The following TMPRSS12 variants were observed in gnomAD, a reference collection of about 807,000 sequenced individuals.
The protein encoded by TMPRSS12 is transmembrane protease serine 12.
A neutral mutation model predicts 26.0 loss-of-function variants in TMPRSS12; 25 were observed. That is an observed-to-expected ratio of 0.96 (90% CI 0.70 to 1.34). The LOEUF is 1.34. TMPRSS12 is among the 40% of genes most tolerant of loss of function. The pLI is 0.00. For missense variants in TMPRSS12, 441 were observed against 440.1 expected, an observed-to-expected ratio of 1.00 and a Z score of -0.02; for synonymous variants, 150 against 161.7, an observed-to-expected ratio of 0.93 and a Z score of 0.55.
chr12:50,858,733 T>TGTACTTA, intron 2 of TMPRSS12, 52 bp from the exon 3 acceptor site: 2 of 1,335,412 alleles, frequency 1.5e-6, no homozygotes, highest in Non-Finnish European at 2.0e-6. Flanking sequence ...ATTAAGAATA[T>TGTACTTA]GTACTTAGTT....
At chr12:50,873,692 A>G (rs1006582513) in intron 3 of TMPRSS12, among the ~76,000 whole-genome samples, 1 of 152,182 alleles carries the variant, frequency 6.6e-6, no homozygotes, top group South Asian at 2.1e-4. Context: ...AAATTTTTGG[A>G]TGTTAAAACT....
intron 3 of TMPRSS12, among the ~76,000 whole-genome samples, chr12:50,880,903 G>T (rs1281928793): frequency 6.8e-6 from 1 of 145,992 alleles, no homozygotes; most frequent in Non-Finnish European, 1.5e-5. Context: ...CTACAAATGT[G>T]TGATTCCATT....
chr12:50,872,329 A>G (rs1938052061), intron 3 of TMPRSS12, among the ~76,000 whole-genome samples: 1 of 150,324 alleles, frequency 6.7e-6, no homozygotes, highest in Admixed American at 6.6e-5. Context: ...CTGGCTAACA[A>G]GGTGAAACCC....
intron 3 of TMPRSS12, among the ~76,000 whole-genome samples, chr12:50,876,876 TA>T (rs545100335): frequency 1.0e-4 from 15 of 144,814 alleles, no homozygotes; most frequent in African/African-American, 3.6e-4. Context: ...TATACAGCCA[TA>T]AAAAAACAGA....
At chr12:50,850,893 G>A (rs888309338) in intron 2 of TMPRSS12, among the ~76,000 whole-genome samples, 2 of 152,172 alleles carry the variant, frequency 1.3e-5, no homozygotes, top group African/African-American at 4.8e-5. Context: ...AAAGCCATGA[G>A]CCTGTCCCAG....
At chr12:50,868,859 C>T (rs1938016284) in intron 3 of TMPRSS12, among the ~76,000 whole-genome samples, 1 of 151,986 alleles carries the variant, frequency 6.6e-6, no homozygotes, top group African/African-American at 2.4e-5. Context: ...CAAAACCATG[C>T]AAATATATGG....
intron 3 of TMPRSS12, among the ~76,000 whole-genome samples, chr12:50,877,354 G>A (rs990898955): frequency 4.6e-5 from 7 of 152,152 alleles, no homozygotes; most frequent in African/African-American, 1.4e-4. Flanking sequence ...AACAAAGCAA[G>A]GATTTTAGCC....
intron 3 of TMPRSS12, among the ~76,000 whole-genome samples, chr12:50,867,388 C>T (rs893267819): frequency 6.6e-6 from 1 of 152,092 alleles, no homozygotes; most frequent in Non-Finnish European, 1.5e-5. Context: ...AAATTCAGAG[C>T]TCAAAGTCTT....
At chr12:50,869,572 A>C (rs1938022949) in intron 3 of TMPRSS12, among the ~76,000 whole-genome samples, 1 of 152,208 alleles carries the variant, frequency 6.6e-6, no homozygotes, top group Non-Finnish European at 1.5e-5. Flanking sequence ...CCAGACATTC[A>C]AAGAAAAATT....
Position 50,872,789 on chromosome 12 carries a change from A to AGACGTCTATATATGTACATATATG in TMPRSS12, c.653-12457_653-12456insGACGTCTATATATGTACATATATG, listed in dbSNP as rs1938071207. The stretch of plus-strand genomic sequence containing the variant: ...ATATGACGTATATATGTACATATAT[A>AGACGTCTATATATGTACATATATG]TGACGTATATATGTACATATATATG... On this transcript the variant is annotated intron_variant, in intron 3 of 4. Transcript: ENST00000398458. Among the ~76,000 whole-genome samples, 2 of 25,744 alleles carry AGACGTCTATATATGTACATATATG rather than the reference A, an allele frequency of 7.8e-5. 1 individual carries two copies. Among genetic ancestry groups the AGACGTCTATATATGTACATATATG allele is most frequent in the Non-Finnish European group, 1.7e-4 (2 of 11,540 alleles). The allele number at this position is 25,744 out of a possible 152,430, so 16.9% of individuals were successfully genotyped here. A position where few individuals can be genotyped will look rare whatever the true frequency, so the allele number is the denominator to read the frequency against.
At chr12:50,886,588 T>C (rs1938228526) in intron 4 of TMPRSS12, 1 of 152,232 alleles carries the variant, frequency 6.6e-6, no homozygotes, top group Admixed American at 6.5e-5. Context: ...ATGCCTGCCT[T>C]ATATAGAGAA....
At chr12:50,849,725 TAAA>T (rs570316511) in intron 2 of TMPRSS12, among the ~76,000 whole-genome samples, 1 of 147,598 alleles carries the variant, frequency 6.8e-6, no homozygotes, top group East Asian at 2.0e-4. Context: ...CATTCCTTTT[TAAA>T]AAAAAAAAAA....
intron 4 of TMPRSS12, chr12:50,886,214 C>T (rs915419030): frequency 6.6e-6 from 1 of 152,142 alleles, no homozygotes; most frequent in Non-Finnish European, 1.5e-5. Context: ...TTACCAGATA[C>T]ATAATGTACA....
At chr12:50,854,975 G>A (rs886143821) in intron 2 of TMPRSS12, among the ~76,000 whole-genome samples, 3 of 152,086 alleles carry the variant, frequency 2.0e-5, no homozygotes, top group Non-Finnish European at 2.9e-5. Context: ...TAAAATTCAC[G>A]TGGAACCAAA....
intron 2 of TMPRSS12, among the ~76,000 whole-genome samples, chr12:50,849,725 T>TA (rs570316511): frequency 0.011 from 1,681 of 147,660 alleles, 38 homozygotes; most frequent in African/African-American, 0.039. Context: ...CATTCCTTTT[T>TA]AAAAAAAAAA....
At chr12:50,886,916 TAGAC>T (rs1565939124) in intron 4 of TMPRSS12, 2 of 202,274 alleles carry the variant, frequency 9.9e-6, no homozygotes, top group East Asian at 1.4e-4. Context: ...ATTCTAATAA[TAGAC>T]AGTTTTGACA....
In TMPRSS12 at chr12:50,854,930, C is replaced by T. The variant is rs190162007; in HGVS notation, c.384-3855C>T. ...TTCAACACTATTCCAGTCAAATTACCGACAACATTTTACACAGAATTTTAA... is the reference window on the plus strand; with the variant it reads ...TTCAACACTATTCCAGTCAAATTACTGACAACATTTTACACAGAATTTTAA... On this transcript the variant is annotated intron_variant, in intron 2 of 4. Transcript: ENST00000398458. 2.7e-3 allele frequency among the ~76,000 whole-genome samples: 409 copies of T among 152,222 alleles called. 2 individuals carry two copies. The highest frequency in any genetic ancestry group is 9.2e-3 in the African/African-American group (383 of 41,534).
chr12:50,868,036 C>T (rs970968263), intron 3 of TMPRSS12, among the ~76,000 whole-genome samples: 2 of 152,174 alleles, frequency 1.3e-5, no homozygotes, highest in Non-Finnish European at 2.9e-5. Flanking sequence ...AAGCATAAAT[C>T]TCACAGGACC....
intron 3 of TMPRSS12, among the ~76,000 whole-genome samples, chr12:50,860,439 G>A (rs1295011096): frequency 2.6e-5 from 4 of 151,892 alleles, no homozygotes; most frequent in African/African-American, 9.7e-5. Flanking sequence ...TTTAGAGATG[G>A]GGGTCTCACT....
Sources: allele counts gnomAD v4.1 joint callset (sites outside exome capture counted in the v4.1 genomes callset), GRCh38; gene constraint gnomAD v4.1.1; transcripts MANE v1.5; gene names NCBI Gene and HGNC (gene_info 2026-07-23, HGNC 2026-07-21).